ATP6V1D: variants seen among roughly 807,000 people sequenced by gnomAD.
ATP6V1D encodes ATPase H+ transporting V1 subunit D, also known as V-type proton ATPase subunit D.
Under a neutral mutation model 39.4 loss-of-function variants are expected in ATP6V1D, and 20 were observed. That is an observed-to-expected ratio of 0.51 (90% CI 0.36 to 0.74). ATP6V1D has a LOEUF of 0.74. ATP6V1D is among the 30% of genes least tolerant of loss of function. ATP6V1D has a pLI of 0.00. For synonymous variants in ATP6V1D, 100 were observed against 100.5 expected (o/e 0.99, Z 0.03); for missense variants, 228 against 291.6 (o/e 0.78, Z 1.59).
In ATP6V1D at chr14:67,338,438, A is replaced by G. The variant is rs1595631856; in HGVS notation, c.*183T>C. The stretch of plus-strand genomic sequence containing the variant: ...CAGGTTTTACAGATCTCTTTCATCC[A>G]TGATAAATGGTTGCTAAATTATGAT... On this transcript the variant is annotated 3_prime_UTR_variant, in exon 9 of 9. Transcript: ENST00000216442. 4.7e-6 allele frequency: 3 copies of G among 636,880 alleles called. No individual in the cohort carries two copies. The highest frequency in any genetic ancestry group is 2.8e-5 in the East Asian group (1 of 35,432). 39.5% of individuals were successfully genotyped at this position (636,880 alleles called of 1,614,324 possible). A position where few individuals can be genotyped will look rare whatever the true frequency, so the allele number is the denominator to read the frequency against.
intron 1 of ATP6V1D, 46 bp from the exon 2 acceptor site, chr14:67,353,086 A>G (rs1251537227): frequency 1.2e-5 from 18 of 1,447,764 alleles, no homozygotes; most frequent in African/African-American, 7.2e-5. Flanking sequence ...TCATTGTTTA[A>G]AAGACAAAAA....
At chr14:67,340,638 A>G (rs1449403654) in intron 7 of ATP6V1D, 120 bp from the exon 8 acceptor site, 1 of 818,702 alleles carries the variant, frequency 1.2e-6, no homozygotes, top group African/African-American at 1.7e-5. Context: ...CATTTAATGC[A>G]GAGAACTTGG....
intron 2 of ATP6V1D, among the ~76,000 whole-genome samples, chr14:67,352,475 C>T (rs748827398): frequency 7.3e-5 from 11 of 150,964 alleles, no homozygotes; most frequent in African/African-American, 1.9e-4. Flanking sequence ...TCATACCATG[C>T]GGTAGTACAT....
At position 67,343,374 on chromosome 14, in the gene ATP6V1D, T is replaced by A. The variant is rs971378799; in HGVS notation, c.521A>T (p.His174Leu). 3.7e-6 allele frequency: 6 copies of A among 1,610,916 alleles called. No individual in the cohort carries two copies. Among genetic ancestry groups the A allele is most frequent in the Non-Finnish European group, 5.1e-6 (6 of 1,177,286 alleles). Residue 174 changes from histidine to leucine, a missense_variant and splice_region_variant, in exon 7 of 9, where the codon CAT becomes CTT. Coordinates refer to ENST00000216442, the MANE Select transcript of ATP6V1D (RefSeq NM_015994.4). ...ITNRRVNAIE[H>L]VIIPRIERTL... ...ACCTCACAGTACCTAATACTCACCA[T>A]GTTCAATGGCATTTACACGCCTGTT...
At chr14:67,356,154 T>C (rs1347680456) in intron 1 of ATP6V1D, among the ~76,000 whole-genome samples, 1 of 152,116 alleles carries the variant, frequency 6.6e-6, no homozygotes, top group Non-Finnish European at 1.5e-5. Context: ...GTGCAGTGGC[T>C]CACACCTGTA....
At chr14:67,345,357 G>A (rs1364117401) in intron 6 of ATP6V1D, among the ~76,000 whole-genome samples, 2 of 152,132 alleles carry the variant, frequency 1.3e-5, no homozygotes, top group Non-Finnish European at 2.9e-5. Flanking sequence ...AGGAGTTCGA[G>A]ACCAGCCTGA....
intron 4 of ATP6V1D, among the ~76,000 whole-genome samples, chr14:67,347,951 G>A (rs1203729103): frequency 1.3e-4 from 20 of 150,034 alleles, no homozygotes; most frequent in Non-Finnish European, 2.7e-4. Flanking sequence ...TCACTCTGTC[G>A]CCCAGGCTGC....
At position 67,338,576 on chromosome 14, in the gene ATP6V1D, A is replaced by G. The variant is rs1270843725; in HGVS notation, c.*45T>C. The G allele has an allele frequency of 6.3e-7, 1 of 1,582,870 alleles. No homozygotes were observed. ...TCAAACCTACACACTGTGAATTAAA[A>G]TGAAGCCAGTGTTAGGGTTTCTCAA... On this transcript the variant is annotated 3_prime_UTR_variant, in exon 9 of 9. Transcript: ENST00000216442.
rs369581902 is a variant in ATP6V1D at position 67,347,501 on chromosome 14, TC to T, written c.308-49del. 8,118 of 1,223,198 alleles carry T rather than the reference TC, an allele frequency of 6.6e-3. 176 individuals are homozygous for T. Among genetic ancestry groups the T allele is most frequent in the African/African-American group, 0.046 (1,604 of 34,840 alleles). 75.8% of individuals were successfully genotyped at this position (1,223,198 alleles called of 1,614,324 possible). A position where few individuals can be genotyped will look rare whatever the true frequency, so the allele number is the denominator to read the frequency against. ...TGGATTCATAAACCTTTAAGTTCTC[TC>T]TTTTTTTTTTTTTTCTGAGACGGAG... On this transcript the variant is annotated intron_variant, in intron 4 of 8. Transcript: ENST00000216442.
chr14:67,345,298 T>G lies in ATP6V1D; in HGVS notation c.456+470A>C, dbSNP rs189390896. Among the ~76,000 whole-genome samples the G allele has an allele frequency of 5.1e-3, 782 of 152,132 alleles. 8 individuals are homozygous for G. The highest frequency in any genetic ancestry group is 0.018 in the African/African-American group (740 of 41,490). On this transcript the variant is annotated intron_variant, in intron 6 of 8. Transcript: ENST00000216442. ...GGGGCCAGGTGCAGTGGCTCATGCC[T>G]GTAATCCTAGCACTTTGGGAGGCCG...
intron 1 of ATP6V1D, chr14:67,354,090 T>C (rs2085671472): frequency 6.6e-6 from 1 of 152,152 alleles, no homozygotes; most frequent in African/African-American, 2.4e-5. Context: ...ACCAAATAAA[T>C]TTTTTTCTTT....
intron 1 of ATP6V1D, among the ~76,000 whole-genome samples, chr14:67,354,939 G>A (rs750819642): frequency 2.0e-5 from 3 of 152,000 alleles, no homozygotes; most frequent in Non-Finnish European, 4.4e-5. Context: ...TCAGCATCCC[G>A]AGTAGCTGGG....
intron 2 of ATP6V1D, chr14:67,352,702 C>G (rs140858347): frequency 7.1e-6 from 3 of 423,116 alleles, no homozygotes; most frequent in Admixed American, 4.0e-5. Context: ...GAGAGGCAGG[C>G]GGGGGGCCAA....
intron 7 of ATP6V1D, among the ~76,000 whole-genome samples, chr14:67,341,019 C>T (rs1341121863): frequency 5.9e-5 from 9 of 152,170 alleles, no homozygotes; most frequent in Non-Finnish European, 1.2e-4. Context: ...GATCTCGGCT[C>T]GCTACAACCT....
intron 1 of ATP6V1D, among the ~76,000 whole-genome samples, chr14:67,357,356 C>T (rs1281021771): frequency 2.0e-5 from 3 of 152,228 alleles, no homozygotes; most frequent in African/African-American, 7.2e-5. Context: ...GATGACTTTT[C>T]TTCCAGCTGA....
intron 7 of ATP6V1D, 135 bp downstream of exon 7, chr14:67,343,237 T>G (rs2085598411): frequency 3.4e-6 from 2 of 581,662 alleles, no homozygotes; most frequent in East Asian, 5.8e-5. Context: ...GACACACTTC[T>G]CTCTTTGCAC....
At chr14:67,359,023 G>C (rs1240263754) in intron 1 of ATP6V1D, among the ~76,000 whole-genome samples, 2 of 152,174 alleles carry the variant, frequency 1.3e-5, no homozygotes, top group Non-Finnish European at 2.9e-5. Flanking sequence ...CGTGATGACC[G>C]GTATTAACAC....
At chr14:67,355,276 A>T (rs748162374) in intron 1 of ATP6V1D, among the ~76,000 whole-genome samples, 3 of 151,904 alleles carry the variant, frequency 2.0e-5, no homozygotes, top group African/African-American at 7.3e-5. Context: ...GACAAGCTAA[A>T]TTTACACTGA....
chr14:67,340,388 C>T, intron 8 of ATP6V1D, 52 bp downstream of exon 8: 3 of 1,493,734 alleles, frequency 2.0e-6, no homozygotes, highest in Non-Finnish European at 2.8e-6. Flanking sequence ...CAAATACAGC[C>T]TTTGGAATAT....
Sources: gnomAD v4.1 joint callset for allele counts (sites outside exome capture counted in the v4.1 genomes callset) on GRCh38, gnomAD v4.1.1 for gene constraint, MANE v1.5 for transcripts, NCBI Gene and HGNC (gene_info 2026-07-23, HGNC 2026-07-21) for gene names.